Variants in CCSER2 observed in about 807,000 individuals in gnomAD.
CCSER2 encodes serine-rich coiled-coil domain-containing protein 2.
Under a neutral mutation model 92.3 loss-of-function variants are expected in CCSER2, and 46 were observed. The observed-to-expected ratio is 0.50, with a 90% confidence interval of 0.39 to 0.64. CCSER2 has a LOEUF of 0.64. CCSER2 is among the 30% of genes least tolerant of loss of function. CCSER2 has a pLI of 0.00. For synonymous variants in CCSER2, 433 were observed against 431.4 expected (o/e 1.00, Z -0.04); for missense variants, 1,244 against 1,238.9 (o/e 1.00, Z -0.06).
chr10:84,445,420 TGGG>T, intron 6 of CCSER2, among the ~76,000 whole-genome samples: 1 of 152,262 alleles, frequency 6.6e-6, no homozygotes, highest in Non-Finnish European at 1.5e-5. Flanking sequence ...CCCAAAGTGC[TGGG>T]ATTACAGGCG....
chr10:84,507,008 CTCT>C, intron 9 of CCSER2, among the ~76,000 whole-genome samples: 2 of 152,122 alleles, frequency 1.3e-5, no homozygotes, highest in East Asian at 3.9e-4. Flanking sequence ...CAAGTGATTC[CTCT>C]TAAGTGTGTG....
intron 1 of CCSER2, among the ~76,000 whole-genome samples, chr10:84,363,563 A>G (rs992500015): frequency 6.6e-6 from 1 of 152,210 alleles, no homozygotes; most frequent in Non-Finnish European, 1.5e-5. Context: ...AAATGCAGAC[A>G]ATTTATACCT....
At chr10:84,350,767 A>C (rs1343894259) in intron 1 of CCSER2, among the ~76,000 whole-genome samples, 1 of 152,222 alleles carries the variant, frequency 6.6e-6, no homozygotes, top group Non-Finnish European at 1.5e-5. Context: ...GTCACAACTT[A>C]AACTATTTTG....
At chr10:84,443,306 A>C (rs1361347128) in intron 6 of CCSER2, among the ~76,000 whole-genome samples, 9 of 152,086 alleles carry the variant, frequency 5.9e-5, no homozygotes, top group Non-Finnish European at 5.9e-5. Flanking sequence ...TACAAGAAAA[A>C]AAACAACCCC....
intron 7 of CCSER2, among the ~76,000 whole-genome samples, chr10:84,466,404 A>G (rs1846431486): frequency 6.6e-6 from 1 of 152,028 alleles, no homozygotes; most frequent in Non-Finnish European, 1.5e-5. Flanking sequence ...TCCAAGTTCC[A>G]TGCTTAGCTA....
rs575025429 is a variant in CCSER2, at chr10:84,342,919, G to A, written c.-40+14111G>A. ...TTTTGAGATGGAGTCTCGCTCTGTC[G>A]CCCAGTGCAGTGGTGTGATCTCTGC... On this transcript the variant is annotated intron_variant, in intron 1 of 9. Transcript: ENST00000372088. 2.0e-5 allele frequency among the ~76,000 whole-genome samples: 3 copies of A among 151,968 alleles called. No homozygotes were observed. In the South Asian group the frequency reaches 6.2e-4, roughly 32 times the overall value.
Position 84,515,040 on chromosome 10 carries a change from C to G in CCSER2, c.*773C>G, listed in dbSNP as rs1849549655. 6.6e-6 allele frequency: 1 copy of G among 152,644 alleles called. No homozygotes were observed. 9.5% of individuals were successfully genotyped at this position (152,644 alleles called of 1,614,324 possible). Reference sequence around the variant, plus strand: ...GGTAAATTTTGGAGCGCTTGAGATACACCTTGAAACCTGTACCTAAAGATG... The same window carrying G: ...GGTAAATTTTGGAGCGCTTGAGATAGACCTTGAAACCTGTACCTAAAGATG... On this transcript the variant is annotated 3_prime_UTR_variant, in exon 10 of 10. Coordinates refer to ENST00000372088, the MANE Select transcript of CCSER2 (RefSeq NM_001284240.2).
intron 6 of CCSER2, 103 bp downstream of exon 6, chr10:84,438,810 T>C (rs1233099950): frequency 4.2e-6 from 3 of 711,956 alleles, no homozygotes; most frequent in Non-Finnish European, 6.8e-6. Flanking sequence ...TCATGTCTTT[T>C]TAGATTTCTG....
intron 1 of CCSER2, among the ~76,000 whole-genome samples, chr10:84,365,124 A>T (rs1845713915): frequency 6.6e-6 from 1 of 152,190 alleles, no homozygotes; most frequent in Non-Finnish European, 1.5e-5. Context: ...ACTAAAAAAA[A>T]ACTGACATTT....
At chr10:84,391,885 G>T (rs1273962578) in intron 3 of CCSER2, 3 of 1,394,178 alleles carry the variant, frequency 2.2e-6, no homozygotes, top group Non-Finnish European at 3.1e-6. Context: ...TTTTTGTGAT[G>T]CTGTTGCATC....
chr10:84,351,110 A>G (rs1297874573), intron 1 of CCSER2, among the ~76,000 whole-genome samples: 1 of 144,350 alleles, frequency 6.9e-6, no homozygotes, highest in Non-Finnish European at 1.5e-5. Context: ...AGAACATTAA[A>G]TTGTACCTAG....
chr10:84,348,437 C>A (rs1844664882), intron 1 of CCSER2, among the ~76,000 whole-genome samples: 1 of 150,760 alleles, frequency 6.6e-6, no homozygotes, highest in Admixed American at 6.6e-5. Flanking sequence ...CAGAGGGAGA[C>A]CGTGGAAAGA....
intron 3 of CCSER2, among the ~76,000 whole-genome samples, chr10:84,379,348 A>C (rs1003443684): frequency 1.3e-5 from 2 of 151,948 alleles, no homozygotes; most frequent in African/African-American, 4.8e-5. Flanking sequence ...CCAAGAACCA[A>C]ATTTGGGCTT....
intron 7 of CCSER2, among the ~76,000 whole-genome samples, chr10:84,469,640 T>A (rs998967786): frequency 2.0e-5 from 3 of 152,142 alleles, no homozygotes; most frequent in African/African-American, 7.2e-5. Context: ...TTTGGATAAC[T>A]GAATAATGAA....
chr10:84,485,817 A>G (rs187733817), intron 9 of CCSER2, among the ~76,000 whole-genome samples: 5 of 152,270 alleles, frequency 3.3e-5, no homozygotes, highest in Admixed American at 3.3e-4. Flanking sequence ...ATATGTCTAC[A>G]TGTGCCATGT....
intron 3 of CCSER2, among the ~76,000 whole-genome samples, chr10:84,405,110 C>G (rs1295262011): frequency 6.6e-6 from 1 of 152,018 alleles, no homozygotes; most frequent in Non-Finnish European, 1.5e-5. Context: ...GTAACATTGA[C>G]AAAGGGACAG....
chr10:84,494,357 T>C (rs1348323961), intron 9 of CCSER2, among the ~76,000 whole-genome samples: 2 of 152,176 alleles, frequency 1.3e-5, no homozygotes, highest in Non-Finnish European at 2.9e-5. Context: ...CCATCTTGGT[T>C]GTGGTGGGTT....
chr10:84,500,912 A>G (rs1239972330), intron 9 of CCSER2, among the ~76,000 whole-genome samples: 1 of 152,238 alleles, frequency 6.6e-6, no homozygotes, highest in Non-Finnish European at 1.5e-5. Flanking sequence ...TTCTTGAATT[A>G]GCCAAAATTA....
chr10:84,489,058 TTTA>T (rs1225539995), intron 9 of CCSER2, among the ~76,000 whole-genome samples: 1 of 152,238 alleles, frequency 6.6e-6, no homozygotes, highest in Non-Finnish European at 1.5e-5. Flanking sequence ...TTTGAGTGAC[TTTA>T]TTAATCCTGA....
Sources: gnomAD v4.1 joint callset for allele counts (sites outside exome capture counted in the v4.1 genomes callset) on GRCh38, gnomAD v4.1.1 for gene constraint, MANE v1.5 for transcripts, NCBI Gene and HGNC (gene_info 2026-07-23, HGNC 2026-07-21) for gene names.